The following FXR1 variants were observed in gnomAD, a reference collection of about 807,000 sequenced individuals.
The protein encoded by FXR1 is FMR1 autosomal homolog 1, also known as RNA-binding protein FXR1.
Under a neutral mutation model 84.0 loss-of-function variants are expected in FXR1, and 15 were observed. That is an observed-to-expected ratio of 0.18 (90% CI 0.12 to 0.27). The LOEUF is 0.27. Ranked by LOEUF, FXR1 falls within the 10% of genes least tolerant of loss-of-function variation. The probability of loss-of-function intolerance (pLI) is 1.00; values close to 1 mark genes in which losing one functional copy is unlikely to be tolerated. For synonymous variants in FXR1, 245 were observed against 250.7 expected (o/e 0.98, Z 0.21); for missense variants, 480 against 774.4 (o/e 0.62, Z 4.51).
intron 1 of FXR1, among the ~76,000 whole-genome samples, chr3:180,920,647 G>T (rs776529495): frequency 4.0e-5 from 6 of 151,836 alleles, no homozygotes; most frequent in Non-Finnish European, 7.4e-5. Context: ...TTGTAGCTGA[G>T]ATTACAGCCA....
intron 3 of FXR1, among the ~76,000 whole-genome samples, chr3:180,942,542 T>G (rs895754678): frequency 6.6e-6 from 1 of 152,120 alleles, no homozygotes; most frequent in Non-Finnish European, 1.5e-5. Context: ...CTTGGGATCA[T>G]TTGGTGGAAA....
chr3:180,953,644 A>T, intron 8 of FXR1, 118 bp from the exon 9 acceptor site: 2 of 605,546 alleles, frequency 3.3e-6, no homozygotes, highest in Non-Finnish European at 5.9e-6. Context: ...AATGAGCATA[A>T]TCTTTTAGTA....
intron 4 of FXR1, 74 bp from the exon 5 acceptor site, chr3:180,948,273 G>C (rs562696392): frequency 1.7e-4 from 180 of 1,083,866 alleles, no homozygotes; most frequent in Admixed American, 1.6e-3. Context: ...AGCTGAGCAA[G>C]GTAATTAGAA....
At chr3:180,926,477 TG>T (rs1719193744) in intron 1 of FXR1, among the ~76,000 whole-genome samples, 1 of 46,836 alleles carries the variant, frequency 2.1e-5, no homozygotes, top group Admixed American at 2.4e-4. Context: ...GGGATTGTAC[TG>T]TATATATATA....
At chr3:180,937,372 T>G (rs2108448999) in intron 3 of FXR1, among the ~76,000 whole-genome samples, 1 of 152,308 alleles carries the variant, frequency 6.6e-6, no homozygotes, top group Admixed American at 6.5e-5. Flanking sequence ...AGGGTGTTGT[T>G]ACAGTGTACT....
chr3:180,978,571 AAACAGACACTT>A lies in FXR1; in HGVS notation c.*2282_*2292del, dbSNP rs1714438636. ...TGGGAAGAACTTGCCACTATACACT[AAACAGACACTT>A]AAGCAAAAGATGTATTCTGGAGCCT... is the stretch of plus-strand genomic sequence containing the variant. On this transcript the variant is annotated 3_prime_UTR_variant, in exon 17 of 17. Transcript: ENST00000357559. 6.6e-6 allele frequency: 1 copy of A among 152,054 alleles called. No homozygotes were observed. Among genetic ancestry groups the A allele is most frequent in the African/African-American group, 2.4e-5 (1 of 41,414 alleles). 9.4% of individuals were successfully genotyped at this position (152,054 alleles called of 1,614,324 possible). A position where few individuals can be genotyped will look rare whatever the true frequency, so the allele number is the denominator to read the frequency against.
intron 4 of FXR1, 65 bp downstream of exon 4, chr3:180,948,001 G>C: frequency 1.1e-6 from 1 of 903,364 alleles, no homozygotes; most frequent in Non-Finnish European, 1.8e-6. Flanking sequence ...CTTGGTTTTT[G>C]TAAATCTTAT....
intron 2 of FXR1, among the ~76,000 whole-genome samples, chr3:180,934,363 T>C (rs550225119): frequency 3.9e-5 from 6 of 152,340 alleles, no homozygotes; most frequent in African/African-American, 1.2e-4. Context: ...GGACATTTTA[T>C]GTCATAGTAT....
chr3:180,960,305 A>G (rs1200808456), intron 10 of FXR1, among the ~76,000 whole-genome samples: 1 of 152,210 alleles, frequency 6.6e-6, no homozygotes, highest in African/African-American at 2.4e-5. Context: ...TTTAGTGGTC[A>G]GGAAGTACCT....
At chr3:180,960,834 CTT>C (rs1285368906) in intron 10 of FXR1, among the ~76,000 whole-genome samples, 2 of 152,026 alleles carry the variant, frequency 1.3e-5, no homozygotes, top group African/African-American at 4.8e-5. Context: ...AATCAGAAAA[CTT>C]GATATAAACT....
rs368785181 is a variant in FXR1 at position 180,975,441 on chromosome 3, T to TA, written c.1695+39dup. Reference sequence around the variant, plus strand: ...TTAACCTGTAGGTTTTTTTTTTTTTTAATTTTTGGTATGGTTTAGCTTTAT... The same window carrying TA: ...TTAACCTGTAGGTTTTTTTTTTTTTTAAATTTTTGGTATGGTTTAGCTTTAT... On this transcript the variant is annotated intron_variant, in intron 16 of 16. Coordinates refer to ENST00000357559, the MANE Select transcript of FXR1 (RefSeq NM_005087.4). The TA allele has an allele frequency of 3.8e-4, 301 of 787,250 alleles. 1 individual carries two copies. In the African/African-American group the frequency reaches 4.8e-3, roughly 13 times the overall value. The allele number at this position is 787,250 out of a possible 1,614,324, so 48.8% of individuals were successfully genotyped here.
At chr3:180,912,884 C>T (rs80057905) in intron 1 of FXR1, 148 bp downstream of exon 1, 22,263 of 1,428,406 alleles carry the variant, frequency 0.016, 255 homozygotes, top group South Asian at 0.028. Flanking sequence ...TCTCCCCCCT[C>T]CACCCGCGGT....
intron 11 of FXR1, among the ~76,000 whole-genome samples, chr3:180,961,995 A>G (rs1237609817): frequency 6.6e-6 from 1 of 152,224 alleles, no homozygotes; most frequent in Non-Finnish European, 1.5e-5. Flanking sequence ...AATCATCTGC[A>G]TCATCTCCAC....
intron 3 of FXR1, among the ~76,000 whole-genome samples, chr3:180,942,377 CA>C (rs765066164): frequency 0.021 from 651 of 31,078 alleles, 2 homozygotes; most frequent in East Asian, 0.092. Flanking sequence ...GACTCCGTCT[CA>C]AAAAAAAAAA....
intron 15 of FXR1, among the ~76,000 whole-genome samples, chr3:180,974,149 A>G (rs1327763784): frequency 7.5e-6 from 1 of 132,656 alleles, no homozygotes; most frequent in Non-Finnish European, 1.6e-5. Flanking sequence ...AGTGAATTCT[A>G]AGTTTCAATT....
chr3:180,927,563 CTT>C (rs1451380911), intron 1 of FXR1: 1 of 584,292 alleles, frequency 1.7e-6, no homozygotes, highest in Non-Finnish European at 3.0e-6. Context: ...AGTTGAGAAA[CTT>C]TTTGTTTTTC....
intron 1 of FXR1, among the ~76,000 whole-genome samples, chr3:180,932,588 T>G (rs763522608): frequency 6.6e-6 from 1 of 152,220 alleles, no homozygotes; most frequent in Non-Finnish European, 1.5e-5. Context: ...ATAAGAAGGC[T>G]AATTTTAATA....
At chr3:180,948,648 G>A in intron 5 of FXR1, 73 bp from the exon 6 acceptor site, 1 of 966,432 alleles carries the variant, frequency 1.0e-6, no homozygotes, top group Non-Finnish European at 1.6e-6. Flanking sequence ...ATGAAACACT[G>A]ACTTTGTATT....
chr3:180,927,867 TACTC>T (rs922534518), intron 1 of FXR1: 5 of 391,676 alleles, frequency 1.3e-5, no homozygotes, highest in South Asian at 2.1e-4. Context: ...AGCTTGTTCT[TACTC>T]ACCTAAGAAT....
Sources: gnomAD v4.1 joint callset for allele counts (sites outside exome capture counted in the v4.1 genomes callset) on GRCh38, gnomAD v4.1.1 for gene constraint, MANE v1.5 for transcripts, NCBI Gene and HGNC (gene_info 2026-07-23, HGNC 2026-07-21) for gene names.